The following KHDRBS2 variants were observed in gnomAD, a reference collection of about 807,000 sequenced individuals.
KHDRBS2 encodes KH RNA binding domain containing, signal transduction associated 2, also known as KH domain-containing, RNA-binding, signal transduction-associated protein 2.
KHDRBS2 carries 26 observed loss-of-function variants against 44.3 expected under a neutral mutation model. That is an observed-to-expected ratio of 0.59 (90% CI 0.43 to 0.81). The LOEUF (loss-of-function observed/expected upper bound fraction) is 0.81, where lower values mean the gene tolerates loss of function less well. Ranked by LOEUF, KHDRBS2 falls within the 40% of genes least tolerant of loss-of-function variation. KHDRBS2 has a pLI of 0.00. For synonymous variants in KHDRBS2, 194 were observed against 151.1 expected, an observed-to-expected ratio of 1.28 and a Z score of -2.08; for missense variants, 476 against 433.1, an observed-to-expected ratio of 1.10 and a Z score of -0.88.
Position 61,777,430 on chromosome 6 carries a change from C to A in KHDRBS2, c.811-44666G>T, listed in dbSNP as rs180742461. ...TGTCAACTCATTGATGAAGACTCAG[C>A]AATGCTAGAGGAGGTTATCAACACA... On this transcript the variant is annotated intron_variant, in intron 6 of 8. Transcript: ENST00000281156. Among the ~76,000 whole-genome samples the A allele has an allele frequency of 2.2e-3, 342 of 152,238 alleles. 2 individuals carry two copies. The highest frequency in any genetic ancestry group is 8.0e-3 in the African/African-American group (333 of 41,536).
At chr6:61,721,258 G>A (rs1475267828) in intron 7 of KHDRBS2, among the ~76,000 whole-genome samples, 11 of 152,162 alleles carry the variant, frequency 7.2e-5, no homozygotes, top group South Asian at 2.1e-4. Context: ...ACTGGGCGAC[G>A]CGGGCTCTTT....
At chr6:61,550,111 T>A in the KHDRBS2 span, among the ~76,000 whole-genome samples, 3 of 152,126 alleles carry the variant, frequency 2.0e-5, no homozygotes, top group Admixed American at 6.6e-5. Context: ...GTAAATTGCA[T>A]GTCATTGGGG....
intron 2 of KHDRBS2, among the ~76,000 whole-genome samples, chr6:62,082,945 A>T (rs1797681185): frequency 6.6e-6 from 1 of 152,138 alleles, no homozygotes; most frequent in Admixed American, 6.5e-5. Flanking sequence ...AGGTACTCTA[A>T]GTTGAATTCC....
At chr6:61,548,355 C>T in the KHDRBS2 span, among the ~76,000 whole-genome samples, 1 of 152,058 alleles carries the variant, frequency 6.6e-6, no homozygotes, top group Non-Finnish European at 1.5e-5. Flanking sequence ...GCTCAAATTA[C>T]CCTAAACCAG....
rs566612460 is a variant in KHDRBS2 at position 62,057,608 on chromosome 6, TAAATC to T, written c.220-9619_220-9615del. ...TTCAACCTCTTTTGAAGACAGAAAA[TAAATC>T]AAACACTACACACCAGTGTCTTCAA... On this transcript the variant is annotated intron_variant, in intron 2 of 8. Coordinates refer to ENST00000281156, the MANE Select transcript of KHDRBS2 (RefSeq NM_152688.4). Among the ~76,000 whole-genome samples the T allele has an allele frequency of 1.2e-4, 19 of 152,028 alleles. No homozygotes were observed. The South Asian group carries it at 3.7e-3, about 30-fold the overall frequency.
At chr6:61,591,430 A>G in the KHDRBS2 span, among the ~76,000 whole-genome samples, 129 of 152,346 alleles carry the variant, frequency 8.5e-4, no homozygotes, top group Non-Finnish European at 1.5e-3. Context: ...ATGAAAAGTA[A>G]AACAATAGGA....
intron 2 of KHDRBS2, among the ~76,000 whole-genome samples, chr6:62,135,965 T>A (rs1186734350): frequency 6.6e-6 from 1 of 151,974 alleles, no homozygotes; most frequent in East Asian, 1.9e-4. Flanking sequence ...GATGAATAAA[T>A]TTAGAGATCT....
chr6:62,247,030 C>T (rs969886956), intron 1 of KHDRBS2, among the ~76,000 whole-genome samples: 8 of 151,966 alleles, frequency 5.3e-5, no homozygotes, highest in Non-Finnish European at 2.9e-5. Flanking sequence ...AACATATTCA[C>T]ACAAACTGTC....
At chr6:61,621,830 C>T in the KHDRBS2 span, among the ~76,000 whole-genome samples, 1 of 152,178 alleles carries the variant, frequency 6.6e-6, no homozygotes, top group Non-Finnish European at 1.5e-5. Context: ...AAGAGAGCTT[C>T]TCTTGCTAGC....
intron 2 of KHDRBS2, among the ~76,000 whole-genome samples, chr6:62,123,744 A>T (rs1215312084): frequency 1.3e-5 from 2 of 152,210 alleles, no homozygotes; most frequent in Admixed American, 1.3e-4. Context: ...GATGAGATGC[A>T]TTTTATATGA....
At chr6:61,731,415 A>G (rs1171026977) in intron 7 of KHDRBS2, among the ~76,000 whole-genome samples, 1 of 152,080 alleles carries the variant, frequency 6.6e-6, no homozygotes, top group African/African-American at 2.4e-5. Flanking sequence ...GATAACTTAA[A>G]TCATACTTAG....
At chr6:61,817,905 T>G (rs1445612843) in intron 6 of KHDRBS2, among the ~76,000 whole-genome samples, 1 of 152,052 alleles carries the variant, frequency 6.6e-6, no homozygotes, top group Non-Finnish European at 1.5e-5. Flanking sequence ...GGCCAGACTT[T>G]CTGTAATTAG....
intron 6 of KHDRBS2, among the ~76,000 whole-genome samples, chr6:61,742,307 A>G (rs1776248663): frequency 6.6e-6 from 1 of 151,970 alleles, no homozygotes; most frequent in Admixed American, 6.6e-5. Flanking sequence ...TTCATATATG[A>G]TCTCTTGTTA....
intron 3 of KHDRBS2, among the ~76,000 whole-genome samples, chr6:62,011,836 A>T (rs1780351091): frequency 6.6e-6 from 1 of 152,186 alleles, no homozygotes. Flanking sequence ...CGTTCACTTT[A>T]TTATAAATTT....
chr6:62,160,307 G>T (rs975531876), intron 2 of KHDRBS2, among the ~76,000 whole-genome samples: 1 of 152,084 alleles, frequency 6.6e-6, no homozygotes, highest in Admixed American at 6.6e-5. Context: ...CTTGAGTAGC[G>T]ATGGATGAAG....
intron 2 of KHDRBS2, among the ~76,000 whole-genome samples, chr6:62,170,052 C>A (rs141648580): frequency 7.2e-5 from 11 of 151,806 alleles, no homozygotes; most frequent in Admixed American, 2.0e-4. Context: ...TAGCAATGTG[C>A]GCCACGCCTG....
intron 7 of KHDRBS2, among the ~76,000 whole-genome samples, chr6:61,707,397 G>GT (rs1769765395): frequency 6.6e-6 from 1 of 151,706 alleles, no homozygotes; most frequent in Admixed American, 6.6e-5. Context: ...CACAAACTCT[G>GT]TAAGTTCTAT....
intron 1 of KHDRBS2, among the ~76,000 whole-genome samples, chr6:62,271,628 C>T (rs1187267107): frequency 1.3e-5 from 2 of 151,966 alleles, no homozygotes; most frequent in African/African-American, 4.8e-5. Flanking sequence ...CCCAGTAGGA[C>T]AAGATGTAGG....
intron 6 of KHDRBS2, among the ~76,000 whole-genome samples, chr6:61,782,263 T>G (rs1783048475): frequency 6.6e-6 from 1 of 152,094 alleles, no homozygotes; most frequent in South Asian, 2.1e-4. Context: ...AGGATTCAGA[T>G]TTGAACCTCT....
Sources: gnomAD v4.1 joint callset for allele counts (sites outside exome capture counted in the v4.1 genomes callset) on GRCh38, gnomAD v4.1.1 for gene constraint, MANE v1.5 for transcripts, NCBI Gene and HGNC (gene_info 2026-07-23, HGNC 2026-07-21) for gene names.